The following NR2C2 variants were observed in gnomAD, a reference collection of about 807,000 sequenced individuals.
NR2C2 encodes the protein Nuclear hormone receptor TR4.
A neutral mutation model predicts 62.9 loss-of-function variants in NR2C2; 6 were observed. The observed-to-expected ratio is 0.10, with a 90% CI of 0.05 to 0.19. The LOEUF is 0.19. Among genes scored for constraint, NR2C2 ranks in the 10% least tolerant of loss-of-function variants. NR2C2 has a pLI of 1.00. For missense variants in NR2C2, 479 were observed against 762.7 expected (o/e 0.63, Z 4.38); for synonymous variants, 272 against 273.8 (o/e 0.99, Z 0.07).
rs558735672 is a variant in NR2C2 at position 14,996,278 on chromosome 3, A to G, written c.-39-7598A>G. ...TGAAGATTTGCACCTGTGTTTTTTA[A>G]TTTTTGTATATGAGTTTGGATTTAA... On this transcript the variant is annotated intron_variant, in intron 1 of 13. Coordinates refer to ENST00000425241, the MANE Select transcript of NR2C2 (RefSeq NM_001291694.2). Among the ~76,000 whole-genome samples the G allele has an allele frequency of 4.4e-3, 671 of 152,294 alleles. 1 individual carries two copies. The highest frequency in any genetic ancestry group is 0.015 in the African/African-American group (641 of 41,556).
chr3:14,953,959 TTCATGCTGCATTTC>T (rs1559524626), intron 1 of NR2C2, among the ~76,000 whole-genome samples: 1 of 151,976 alleles, frequency 6.6e-6, no homozygotes, highest in Non-Finnish European at 1.5e-5. Flanking sequence ...ACTAGCGGGC[TTCATGCTGCATTTC>T]CCCCAGTGTA....
chr3:14,957,067 A>G (rs952485721), intron 1 of NR2C2, among the ~76,000 whole-genome samples: 2 of 152,218 alleles, frequency 1.3e-5, no homozygotes, highest in Non-Finnish European at 2.9e-5. Context: ...TCAAATCTTC[A>G]CTATAACCTC....
intron 13 of NR2C2, among the ~76,000 whole-genome samples, chr3:15,040,491 C>T (rs1463093155): frequency 6.6e-6 from 1 of 152,268 alleles, no homozygotes; most frequent in East Asian, 1.9e-4. Flanking sequence ...CCATGGAACA[C>T]AGATGCCCCT....
intron 1 of NR2C2, among the ~76,000 whole-genome samples, chr3:14,971,682 A>AAT (rs1336502763): frequency 6.6e-6 from 1 of 151,604 alleles, no homozygotes; most frequent in Non-Finnish European, 1.5e-5. Context: ...AAGCTACCCT[A>AAT]ATGGATGTAA....
At chr3:15,015,013 T>C (rs1303127005) in intron 3 of NR2C2, among the ~76,000 whole-genome samples, 1 of 152,198 alleles carries the variant, frequency 6.6e-6, no homozygotes, top group African/African-American at 2.4e-5. Flanking sequence ...AACGCCAACA[T>C]GTTCAGCTTT....
At chr3:15,037,925 A>G in intron 11 of NR2C2, 75 bp from the exon 12 acceptor site, 2 of 1,431,270 alleles carry the variant, frequency 1.4e-6, no homozygotes, top group South Asian at 1.3e-5. Context: ...ATTTCTTTCC[A>G]TATGTGGCCC....
chr3:15,046,007 T>C lies in NR2C2; in HGVS notation c.*2999T>C, dbSNP rs1201730231. 1.3e-5 allele frequency: 2 copies of C among 152,210 alleles called. No individual in the cohort carries two copies. The highest frequency in any genetic ancestry group is 2.9e-5 in the Non-Finnish European group (2 of 68,030). The allele number at this position is 152,210 out of a possible 1,614,324, so 9.4% of individuals were successfully genotyped here. On this transcript the variant is annotated 3_prime_UTR_variant, in exon 14 of 14. Coordinates refer to ENST00000425241, the MANE Select transcript of NR2C2 (RefSeq NM_001291694.2). ...TGGTGGAGATCATTACACATTAGCA[T>C]AAAACAGGACAGGAAGAGATTTTTT...
chr3:14,996,941 C>G (rs2040850668), intron 1 of NR2C2, among the ~76,000 whole-genome samples: 1 of 152,158 alleles, frequency 6.6e-6, no homozygotes, highest in Non-Finnish European at 1.5e-5. Flanking sequence ...TGTGGGTACT[C>G]CAATAATGTT....
Position 15,018,575 on chromosome 3 carries a change from A to G in NR2C2, c.377-2178A>G, listed in dbSNP as rs563137775. Among the ~76,000 whole-genome samples, 7 of 152,302 alleles carry G rather than the reference A, an allele frequency of 4.6e-5. No individual in the cohort carries two copies. The South Asian group carries it at 8.3e-4, about 18-fold the overall frequency. The stretch of plus-strand genomic sequence containing the variant: ...GGTATCACCTCCAGTTAGGATGTCT[A>G]TAATCAGGCTGGGTGCAGTGGCTCA... On this transcript the variant is annotated intron_variant, in intron 4 of 13. Transcript: ENST00000425241.
Position 15,047,105 on chromosome 3 carries a change from A to C in NR2C2, c.*4097A>C, listed in dbSNP as rs1381231619. On this transcript the variant is annotated 3_prime_UTR_variant, in exon 14 of 14. Transcript: ENST00000425241. ...TATGTACAGTGTATATAGTGTGTGTATGTGTACATAGATGTATATTATGTA... is the reference window on the plus strand; with the variant it reads ...TATGTACAGTGTATATAGTGTGTGTCTGTGTACATAGATGTATATTATGTA... 6.6e-6 allele frequency: 1 copy of C among 152,630 alleles called. No homozygotes were observed. Among genetic ancestry groups the C allele is most frequent in the African/African-American group, 2.4e-5 (1 of 41,434 alleles). 9.5% of individuals were successfully genotyped at this position (152,630 alleles called of 1,614,324 possible). A position where few individuals can be genotyped will look rare whatever the true frequency, so the allele number is the denominator to read the frequency against.
Position 15,042,907 on chromosome 3 carries a change from A to G in NR2C2, c.1690A>G (p.Thr564Ala), listed in dbSNP as rs2042320199. 1.2e-6 allele frequency: 2 copies of G among 1,613,970 alleles called. No individual in the cohort carries two copies. The highest frequency in any genetic ancestry group is 1.7e-6 in the Non-Finnish European group (2 of 1,179,940). Residue 564 changes from threonine to alanine, a missense_variant, in exon 14 of 14, where the codon ACT becomes GCT. Physicochemically the swap from Thr to Ala is moderately conservative, Grantham distance 58. Around this residue, in one of 4 missense-constraint regions of NR2C2, gnomAD observed 162 missense variants for 296.8 expected, o/e 0.55. Coordinates refer to ENST00000425241, the MANE Select transcript of NR2C2 (RefSeq NM_001291694.2). ...CAACATAACAGAAGAACTTTTTTTT[A>G]CTGGTCTCATTGGCAATGTTTCGAT... ...SSNITEELFF[T>A]GLIGNVSIDS...
chr3:15,028,578 T>C lies in NR2C2; in HGVS notation c.799-8T>C, dbSNP rs1476146312. 3.1e-6 allele frequency: 5 copies of C among 1,609,210 alleles called. No individual in the cohort carries two copies. The highest frequency in any genetic ancestry group is 2.2e-5 in the East Asian group (1 of 44,782). On this transcript the variant is annotated splice_polypyrimidine_tract_variant and splice_region_variant and intron_variant, in intron 7 of 13. Coordinates refer to ENST00000425241, the MANE Select transcript of NR2C2 (RefSeq NM_001291694.2). ...TCATTTTTAATGTCAGTATTTTTTGTTTAATAGGCTGAAACAAGCCAGGGA... is the reference window on the plus strand; with the variant it reads ...TCATTTTTAATGTCAGTATTTTTTGCTTAATAGGCTGAAACAAGCCAGGGA...
At chr3:15,026,480 A>G (rs1043417038) in intron 7 of NR2C2, 1 of 152,172 alleles carries the variant, frequency 6.6e-6, no homozygotes, top group South Asian at 2.1e-4. Flanking sequence ...AAACCCTATT[A>G]TGTAGTCACT....
intron 13 of NR2C2, among the ~76,000 whole-genome samples, chr3:15,040,580 A>C (rs1473849662): frequency 6.6e-6 from 1 of 152,322 alleles, no homozygotes; most frequent in East Asian, 1.9e-4. Flanking sequence ...GTCTTTCAGC[A>C]CTAAAACCAG....
At chr3:14,955,184 G>A (rs907549139) in intron 1 of NR2C2, among the ~76,000 whole-genome samples, 1 of 152,090 alleles carries the variant, frequency 6.6e-6, no homozygotes, top group African/African-American at 2.4e-5. Context: ...GTTTTACTTA[G>A]TAAAATTGTT....
chr3:15,043,262 T>C lies in NR2C2; in HGVS notation c.*254T>C, dbSNP rs1259404152. 9.5e-6 allele frequency: 3 copies of C among 315,766 alleles called. No individual in the cohort carries two copies. The highest frequency in any genetic ancestry group is 1.7e-5 in the Non-Finnish European group (3 of 175,256). The allele number at this position is 315,766 out of a possible 1,614,324, so 19.6% of individuals were successfully genotyped here. On this transcript the variant is annotated 3_prime_UTR_variant, in exon 14 of 14. Transcript: ENST00000425241. ...ACAATCTTTTAACTCAATTTGTATT[T>C]AGAAATTCTCAAAGGGCAAAAAACA...
rs147791946 is a variant in NR2C2 at position 15,042,257 on chromosome 3, T to G, written c.1617-577T>G. Among the ~76,000 whole-genome samples the G allele has an allele frequency of 4.8e-4, 73 of 152,318 alleles. 1 individual carries two copies. The East Asian group carries it at 0.012, about 25-fold the overall frequency. ...AAGTTTCTTCAAAATGAAAGCTATT[T>G]TACTGCTTTATTTATAATGCTAAAT... On this transcript the variant is annotated intron_variant, in intron 13 of 13. Coordinates refer to ENST00000425241, the MANE Select transcript of NR2C2 (RefSeq NM_001291694.2).
chr3:15,039,095 TGGG>T, intron 12 of NR2C2, 24 bp from the exon 13 acceptor site: 2 of 1,442,600 alleles, frequency 1.4e-6, no homozygotes, highest in Non-Finnish European at 1.9e-6. Context: ...CAGAGGGAAC[TGGG>T]GGGGGGTACT....
intron 2 of NR2C2, among the ~76,000 whole-genome samples, chr3:15,010,205 CTG>C (rs1429751708): frequency 6.6e-6 from 1 of 152,038 alleles, no homozygotes; most frequent in Non-Finnish European, 1.5e-5. Context: ...AGGAATCTAT[CTG>C]TGTTTGTTAA....
Sources: allele counts gnomAD v4.1 joint callset (sites outside exome capture counted in the v4.1 genomes callset), GRCh38; gene constraint gnomAD v4.1.1; regional missense constraint gnomAD v4.1.1; transcripts MANE v1.5; gene names NCBI Gene and HGNC (gene_info 2026-07-23, HGNC 2026-07-21).